Variants in HS6ST3 observed in about 807,000 individuals in gnomAD.
HS6ST3 encodes the protein heparan sulfate 6-O-sulfotransferase 3, also known as heparan-sulfate 6-O-sulfotransferase 3.
Under a neutral mutation model 36.7 loss-of-function variants are expected in HS6ST3, and 12 were observed. The ratio of observed to expected loss-of-function variants is 0.33; its 90% CI spans 0.21 to 0.53. The LOEUF is 0.53. Among genes scored for constraint, HS6ST3 ranks in the 20% least tolerant of loss-of-function variants. HS6ST3 has a pLI of 0.95. For synonymous variants in HS6ST3, 240 were observed against 257.5 expected (o/e 0.93, Z 0.65); for missense variants, 584 against 640.9 (o/e 0.91, Z 0.96).
intron 1 of HS6ST3, among the ~76,000 whole-genome samples, chr13:96,637,152 A>T (rs2056552808): frequency 2.0e-5 from 3 of 151,990 alleles, no homozygotes; most frequent in African/African-American, 7.2e-5. Context: ...TTATTATATA[A>T]CTCTGTGTTA....
chr13:96,287,454 C>A (rs2054809313), intron 1 of HS6ST3, among the ~76,000 whole-genome samples: 1 of 152,036 alleles, frequency 6.6e-6, no homozygotes. Context: ...CAATATAAGT[C>A]ATTACTTACT....
intron 1 of HS6ST3, among the ~76,000 whole-genome samples, chr13:96,475,825 G>T (rs923448474): frequency 1.4e-4 from 22 of 152,108 alleles, no homozygotes; most frequent in African/African-American, 5.1e-4. Flanking sequence ...ATGGCCATAT[G>T]CGAGAATGAG....
chr13:96,529,329 G>C (rs925433849), intron 1 of HS6ST3, among the ~76,000 whole-genome samples: 5 of 152,122 alleles, frequency 3.3e-5, no homozygotes, highest in African/African-American at 1.2e-4. Context: ...CTATATGGAG[G>C]CCAGTTAGGA....
intron 1 of HS6ST3, among the ~76,000 whole-genome samples, chr13:96,762,659 G>A (rs1876999069): frequency 6.6e-6 from 1 of 152,112 alleles, no homozygotes; most frequent in African/African-American, 2.4e-5. Context: ...AGGTGTCCTT[G>A]CCACACTGTG....
intron 1 of HS6ST3, among the ~76,000 whole-genome samples, chr13:96,142,326 A>G (rs576274125): frequency 1.4e-3 from 209 of 152,324 alleles, no homozygotes; most frequent in African/African-American, 4.6e-3. Context: ...ACTTATTTTT[A>G]GTGGCATTGT....
At chr13:96,357,720 G>C (rs951849593) in intron 1 of HS6ST3, among the ~76,000 whole-genome samples, 2 of 152,040 alleles carry the variant, frequency 1.3e-5, no homozygotes, top group Non-Finnish European at 2.9e-5. Context: ...CAGGTTCTCG[G>C]TATGTTAACC....
chr13:96,345,063 C>A (rs2055147034), intron 1 of HS6ST3, among the ~76,000 whole-genome samples: 1 of 152,082 alleles, frequency 6.6e-6, no homozygotes, highest in Non-Finnish European at 1.5e-5. Context: ...TAATCTTGGC[C>A]CACAGCACTG....
chr13:96,484,866 G>C (rs1009304529), intron 1 of HS6ST3, among the ~76,000 whole-genome samples: 1 of 152,118 alleles, frequency 6.6e-6, no homozygotes, highest in Non-Finnish European at 1.5e-5. Context: ...ATGTGAGATT[G>C]CTGGGTCATA....
chr13:96,645,972 A>G (rs2056587149), intron 1 of HS6ST3, among the ~76,000 whole-genome samples: 1 of 151,812 alleles, frequency 6.6e-6, no homozygotes, highest in Non-Finnish European at 1.5e-5. Context: ...ATTGGATGCT[A>G]TTACAAAAAA....
chr13:96,222,257 A>T (rs1261665627), intron 1 of HS6ST3, among the ~76,000 whole-genome samples: 2 of 152,176 alleles, frequency 1.3e-5, no homozygotes, highest in African/African-American at 4.8e-5. Context: ...GACAAACTAC[A>T]TAAGACAAAG....
intron 1 of HS6ST3, among the ~76,000 whole-genome samples, chr13:96,826,834 A>G (rs1878659415): frequency 1.3e-5 from 2 of 152,192 alleles, no homozygotes; most frequent in South Asian, 2.1e-4. Context: ...GATGGCCTAT[A>G]TTATAATTAT....
intron 1 of HS6ST3, among the ~76,000 whole-genome samples, chr13:96,736,565 A>G (rs1876289725): frequency 6.6e-6 from 1 of 152,232 alleles, no homozygotes; most frequent in Non-Finnish European, 1.5e-5. Flanking sequence ...AAGTGTATAG[A>G]AAACCTAAAT....
rs553058928 is a variant in HS6ST3, at chr13:96,792,579, T to A, written c.708-39911T>A. On this transcript the variant is annotated intron_variant, in intron 1 of 1. Coordinates refer to ENST00000376705, the MANE Select transcript of HS6ST3 (RefSeq NM_153456.4). ...GCCAGGACATTGCCTTTAGTCCATA[T>A]GGATACAGATTGCCAGTTGGGAGGA... 6.6e-5 allele frequency among the ~76,000 whole-genome samples: 10 copies of A among 152,108 alleles called. No homozygotes were observed. In the South Asian group the frequency reaches 2.1e-3, roughly 32 times the overall value.
At chr13:96,464,039 T>G (rs2055798758) in intron 1 of HS6ST3, among the ~76,000 whole-genome samples, 1 of 137,366 alleles carries the variant, frequency 7.3e-6, no homozygotes, top group African/African-American at 2.6e-5. Context: ...TTTTTTTTTT[T>G]TTTTAAATAA....
At chr13:96,423,003 A>G (rs920255606) in intron 1 of HS6ST3, among the ~76,000 whole-genome samples, 2 of 152,210 alleles carry the variant, frequency 1.3e-5, no homozygotes, top group Non-Finnish European at 2.9e-5. Context: ...AATGAAATAA[A>G]TATATAATTG....
At chr13:96,275,990 G>A (rs1000295851) in intron 1 of HS6ST3, among the ~76,000 whole-genome samples, 4 of 151,700 alleles carry the variant, frequency 2.6e-5, no homozygotes, top group African/African-American at 7.3e-5. Flanking sequence ...GGAGTTAGTC[G>A]GCCTGGTTCC....
At chr13:96,537,008 C>T (rs1423923929) in intron 1 of HS6ST3, among the ~76,000 whole-genome samples, 2 of 152,196 alleles carry the variant, frequency 1.3e-5, no homozygotes, top group African/African-American at 4.8e-5. Context: ...GAAGCCCATA[C>T]TCTGGTAGTT....
chr13:96,555,730 A>G (rs958085579), intron 1 of HS6ST3, among the ~76,000 whole-genome samples: 1 of 152,132 alleles, frequency 6.6e-6, no homozygotes, highest in Non-Finnish European at 1.5e-5. Flanking sequence ...TTATTAGAAA[A>G]TCTATGATCT....
intron 1 of HS6ST3, among the ~76,000 whole-genome samples, chr13:96,465,090 G>T (rs1038808693): frequency 6.6e-6 from 1 of 151,960 alleles, no homozygotes; most frequent in Non-Finnish European, 1.5e-5. Context: ...CAAAAACTAG[G>T]AAGTTTGATA....
Sources: allele counts gnomAD v4.1 joint callset (sites outside exome capture counted in the v4.1 genomes callset), GRCh38; gene constraint gnomAD v4.1.1; transcripts MANE v1.5; gene names NCBI Gene and HGNC (gene_info 2026-07-23, HGNC 2026-07-21).